The following ATG12 variants were observed in gnomAD, a reference collection of about 807,000 sequenced individuals.
ATG12 encodes ubiquitin-like protein ATG12.
ATG12 carries 19 observed loss-of-function variants against 17.6 expected under a neutral mutation model. The observed-to-expected ratio is 1.08, with a 90% CI of 0.75 to 1.58. The LOEUF (loss-of-function observed/expected upper bound fraction) is 1.58, where lower values mean the gene tolerates loss of function less well. Ranked by LOEUF, ATG12 falls within the 40% of genes most tolerant of loss-of-function variation. The probability of loss-of-function intolerance (pLI) is 0.00; values close to 1 mark genes in which losing one functional copy is unlikely to be tolerated. For missense variants in ATG12, 214 were observed against 162.0 expected, an observed-to-expected ratio of 1.32 and a Z score of -1.74; for synonymous variants, 75 against 62.4, an observed-to-expected ratio of 1.20 and a Z score of -0.95.
In ATG12 at chr5:115,831,883, T is replaced by C. The variant is rs1190981223; in HGVS notation, c.364-20A>G. On this transcript the variant is annotated intron_variant, in intron 3 of 3. Transcript: ENST00000509910. ...AAAACACTACAAAAAAAAAAGGCAA[T>C]AAATCAAACTCAATCTTTTATTATT... The C allele has an allele frequency of 6.4e-7, 1 of 1,555,752 alleles. No individual in the cohort carries two copies. The highest frequency in any genetic ancestry group is 1.1e-5 in the South Asian group (1 of 87,582).
intron 2 of ATG12, chr5:115,835,085 A>AT (rs1247656674): frequency 6.6e-6 from 1 of 151,772 alleles, no homozygotes; most frequent in Non-Finnish European, 1.5e-5. Flanking sequence ...TTCTGAAATA[A>AT]TTTTCTTTTA....
Position 115,829,115 on chromosome 5 carries a change from A to C in ATG12, c.*2689T>G, listed in dbSNP as rs1182239291. ...TAAATACGATTTGAACTGTATTCAA[A>C]TAGTAGTATTTGCTGAACTGTTTTC... On this transcript the variant is annotated 3_prime_UTR_variant, in exon 4 of 4. Transcript: ENST00000509910. 2 of 152,230 alleles carry C rather than the reference A, an allele frequency of 1.3e-5. No homozygotes were observed. The highest frequency in any genetic ancestry group is 2.9e-5 in the Non-Finnish European group (2 of 68,024). The allele number at this position is 152,230 out of a possible 1,614,324, so 9.4% of individuals were successfully genotyped here. A position where few individuals can be genotyped will look rare whatever the true frequency, so the allele number is the denominator to read the frequency against.
chr5:115,836,896 G>A (rs556262275), intron 2 of ATG12, among the ~76,000 whole-genome samples: 32 of 152,270 alleles, frequency 2.1e-4, no homozygotes, highest in African/African-American at 7.2e-4. Context: ...TACTACAACT[G>A]CCACTGTGAA....
In ATG12 at chr5:115,840,680, C is replaced by G. The variant is rs1474950384; in HGVS notation, c.163+710G>C. The G allele has an allele frequency of 5.0e-6, 6 of 1,206,256 alleles. No individual in the cohort carries two copies. In the Admixed American group the frequency reaches 1.0e-4, roughly 20 times the overall value. 74.7% of individuals were successfully genotyped at this position (1,206,256 alleles called of 1,614,324 possible). ...TCTCTGAATCGAGGATGCTTATATG[C>G]TGCTTTTCCCATAGGCAACTCTAAC... On this transcript the variant is annotated intron_variant, in intron 1 of 3. Coordinates refer to ENST00000509910, the MANE Select transcript of ATG12 (RefSeq NM_004707.4).
chr5:115,832,522 T>C (rs1351122882), intron 3 of ATG12, 80 bp downstream of exon 3: 1 of 1,380,552 alleles, frequency 7.2e-7, no homozygotes, highest in Admixed American at 3.0e-5. Context: ...AATATACATA[T>C]TATACAGATG....
rs1355699289 is a variant in ATG12 at position 115,829,004 on chromosome 5, G to T, written c.*2800C>A. ...AAGGTGTAAGTAAACTGCACGAGCA[G>T]AAGTAGATAACAGAAAACACAAGGC... On this transcript the variant is annotated 3_prime_UTR_variant, in exon 4 of 4. Coordinates refer to ENST00000509910, the MANE Select transcript of ATG12 (RefSeq NM_004707.4). The T allele has an allele frequency of 6.6e-6, 1 of 151,244 alleles. No homozygotes were observed. 9.4% of individuals were successfully genotyped at this position (151,244 alleles called of 1,614,324 possible). A position where few individuals can be genotyped will look rare whatever the true frequency, so the allele number is the denominator to read the frequency against.
Position 115,829,909 on chromosome 5 carries a change from GTT to G in ATG12, c.*1893_*1894del, listed in dbSNP as rs1760794554. ...GTGGATCACCTGAGGTCAGTCAGGAGTTTGAGACCAGCCTGGCCAAAATGGTA... is the reference window on the plus strand; with the variant it reads ...GTGGATCACCTGAGGTCAGTCAGGAGTGAGACCAGCCTGGCCAAAATGGTA... On this transcript the variant is annotated 3_prime_UTR_variant, in exon 4 of 4. Transcript: ENST00000509910. 1 of 152,174 alleles carries G rather than the reference GTT, an allele frequency of 6.6e-6. No individual in the cohort carries two copies. Among genetic ancestry groups the G allele is most frequent in the South Asian group, 2.1e-4 (1 of 4,824 alleles). The allele number at this position is 152,174 out of a possible 1,614,324, so 9.4% of individuals were successfully genotyped here. A position where few individuals can be genotyped will look rare whatever the true frequency, so the allele number is the denominator to read the frequency against.
intron 2 of ATG12, among the ~76,000 whole-genome samples, chr5:115,835,315 G>A (rs1159577087): frequency 2.6e-5 from 4 of 152,120 alleles, no homozygotes; most frequent in Admixed American, 1.3e-4. Flanking sequence ...TACGGGATTT[G>A]ACCTTGTTAT....
intron 1 of ATG12, chr5:115,841,143 A>G (rs1373221385): frequency 1.2e-5 from 5 of 416,858 alleles, no homozygotes; most frequent in Non-Finnish European, 2.1e-5. Context: ...CAACTCAAAA[A>G]AATACAGTAT....
intron 2 of ATG12, 46 bp downstream of exon 2, chr5:115,837,582 A>T: frequency 6.2e-7 from 1 of 1,602,412 alleles, no homozygotes; most frequent in Non-Finnish European, 8.5e-7. Context: ...GTTGCCTAGG[A>T]ACTACTGCAA....
At position 115,829,711 on chromosome 5, in the gene ATG12, C is replaced by T. The variant is rs951373081; in HGVS notation, c.*2093G>A. On this transcript the variant is annotated 3_prime_UTR_variant, in exon 4 of 4. Transcript: ENST00000509910. ...AATTGTGTTGTAGGTTCTAGTCACC[C>T]AATAACTTATCGGATCCAGGCTTAA... is the stretch of plus-strand genomic sequence containing the variant. The T allele has an allele frequency of 6.6e-6, 1 of 152,118 alleles. No homozygotes were observed. Among genetic ancestry groups the T allele is most frequent in the Admixed American group, 6.6e-5 (1 of 15,264 alleles). 9.4% of individuals were successfully genotyped at this position (152,118 alleles called of 1,614,324 possible).
rs1396587142 is a variant in ATG12 at position 115,829,803 on chromosome 5, T to C, written c.*2001A>G. On this transcript the variant is annotated 3_prime_UTR_variant, in exon 4 of 4. Coordinates refer to ENST00000509910, the MANE Select transcript of ATG12 (RefSeq NM_004707.4). Reference sequence around the variant, plus strand: ...GAGTAAAGATCAAGAAATAATTAAATATGATTTGAAAAAGTACAAAGTCCA... The same window carrying C: ...GAGTAAAGATCAAGAAATAATTAAACATGATTTGAAAAAGTACAAAGTCCA... 6.6e-6 allele frequency: 1 copy of C among 152,128 alleles called. No homozygotes were observed. Among genetic ancestry groups the C allele is most frequent in the Non-Finnish European group, 1.5e-5 (1 of 68,006 alleles). The allele number at this position is 152,128 out of a possible 1,614,324, so 9.4% of individuals were successfully genotyped here.
At chr5:115,840,891 CA>C (rs1561456558) in intron 1 of ATG12, 1 of 1,288,196 alleles carries the variant, frequency 7.8e-7, no homozygotes, top group Non-Finnish European at 1.0e-6. Flanking sequence ...CTTCATTCTG[CA>C]TAAGAATTTG....
chr5:115,840,318 G>A (rs150972248), intron 1 of ATG12, among the ~76,000 whole-genome samples: 7,492 of 148,876 alleles, frequency 0.05, 688 homozygotes, highest in African/African-American at 0.18. Flanking sequence ...TTTTTTTGAG[G>A]CGGAGTTTCG....
intron 1 of ATG12, chr5:115,838,472 T>C (rs1761195486): frequency 1.3e-5 from 2 of 152,360 alleles, no homozygotes; most frequent in African/African-American, 4.8e-5. Context: ...CAACAGCATG[T>C]ATAATATCTT....
chr5:115,839,954 G>A (rs942094019), intron 1 of ATG12, among the ~76,000 whole-genome samples: 5 of 152,158 alleles, frequency 3.3e-5, no homozygotes, highest in Non-Finnish European at 5.9e-5. Context: ...AAGAAAATAT[G>A]CCCTCGGGCA....
Position 115,831,104 on chromosome 5 carries a change from A to C in ATG12, c.*700T>G, listed in dbSNP as rs112893491. The C allele has an allele frequency of 2.0e-5, 3 of 152,358 alleles. No individual in the cohort carries two copies. Among genetic ancestry groups the C allele is most frequent in the African/African-American group, 7.2e-5 (3 of 41,586 alleles). The allele number at this position is 152,358 out of a possible 1,614,324, so 9.4% of individuals were successfully genotyped here. Reference sequence around the variant, plus strand: ...TGTGATTGGGACTCAAGAATCCTTAAATGTTAGGACTGAAAACAGGTATAT... The same window carrying C: ...TGTGATTGGGACTCAAGAATCCTTACATGTTAGGACTGAAAACAGGTATAT... On this transcript the variant is annotated 3_prime_UTR_variant, in exon 4 of 4. Transcript: ENST00000509910.
chr5:115,835,182 T>C (rs1277738598), intron 2 of ATG12: 1 of 152,220 alleles, frequency 6.6e-6, no homozygotes, highest in Non-Finnish European at 1.5e-5. Context: ...TTATTGTTTT[T>C]AGCTCATTTT....
intron 1 of ATG12, among the ~76,000 whole-genome samples, chr5:115,839,977 T>C (rs569450441): frequency 7.2e-5 from 11 of 152,378 alleles, no homozygotes; most frequent in Admixed American, 5.9e-4. Context: ...ATTTAGATTG[T>C]AAGCCATTTT....
Sources: gnomAD v4.1 joint callset for allele counts (sites outside exome capture counted in the v4.1 genomes callset) on GRCh38, gnomAD v4.1.1 for gene constraint, MANE v1.5 for transcripts, NCBI Gene and HGNC (gene_info 2026-07-23, HGNC 2026-07-21) for gene names.